Variants in UBR4 observed in about 807,000 individuals in gnomAD.
The protein encoded by UBR4 is ubiquitin protein ligase E3 component n-recognin 4.
In UBR4, 124 loss-of-function variants were observed where a neutral mutation model predicts 575.6. The observed-to-expected ratio is 0.22, with a 90% CI of 0.19 to 0.25. The LOEUF (loss-of-function observed/expected upper bound fraction) is 0.25. Among genes scored for constraint, UBR4 ranks in the 10% least tolerant of loss-of-function variants. The pLI is 1.00. For synonymous variants in UBR4, 2,455 were observed against 2,473.7 expected, an observed-to-expected ratio of 0.99 and a Z score of 0.22; for missense variants, 4,818 against 6,478.8, an observed-to-expected ratio of 0.74 and a Z score of 8.80.
rs368308886 is a variant in UBR4, at chr1:19,160,070, G to C, written c.5577+41C>G. ...TTTTGGGATCTCAATAAATTTGTTG[G>C]TTCCCACAGCCACCAAACATCATGG... On this transcript the variant is annotated intron_variant, in intron 39 of 105. Coordinates refer to ENST00000375254, the MANE Select transcript of UBR4 (RefSeq NM_020765.3). 42 of 1,590,364 alleles carry C rather than the reference G, an allele frequency of 2.6e-5. No individual in the cohort carries two copies. The African/African-American group carries it at 3.8e-4, about 14-fold the overall frequency.
chr1:19,081,487 A>T lies in UBR4; in HGVS notation c.15095T>A (p.Val5032Glu). 1.2e-6 allele frequency: 2 copies of T among 1,613,876 alleles called. No individual in the cohort carries two copies. ...KEKWVESAFEVDGPYYFTVLA... is the reference protein window; with the variant it reads ...KEKWVESAFEEDGPYYFTVLA... ...GACTGTGAAATAGTAGGGCCCGTCC[A>T]CTTCAAAGGCACTCTCCACCCACTT... Residue 5032 changes from valine (V) to glutamate (E), a missense_variant, in exon 103 of 106, where the codon GTG becomes GAG. This residue lies in a region of UBR4 where 212 missense variants were observed against 221.3 expected (regional missense o/e 0.96). Coordinates refer to ENST00000375254, the MANE Select transcript of UBR4 (RefSeq NM_020765.3).
intron 5 of UBR4, 22 bp from the exon 6 acceptor site, chr1:19,198,071 G>C (rs1224044070): frequency 6.2e-7 from 1 of 1,606,692 alleles, no homozygotes; most frequent in African/African-American, 1.3e-5. Context: ...CATAAGGCCT[G>C]TCAAGATACT....
intron 76 of UBR4, 56 bp from the exon 77 acceptor site, chr1:19,113,883 G>C (rs1054151055): frequency 1.9e-6 from 3 of 1,614,148 alleles, no homozygotes; most frequent in Middle Eastern, 1.6e-4. Flanking sequence ...TCTCACCTAG[G>C]AGGCAGTCTT....
intron 63 of UBR4, among the ~76,000 whole-genome samples, chr1:19,127,046 C>T (rs866214169): frequency 3.3e-5 from 5 of 152,172 alleles, no homozygotes; most frequent in African/African-American, 7.2e-5. Context: ...CACTTCTGAA[C>T]GACCCCACCC....
chr1:19,187,633 G>A, intron 11 of UBR4, 93 bp from the exon 12 acceptor site: 1 of 1,255,766 alleles, frequency 8.0e-7, no homozygotes, highest in Non-Finnish European at 1.1e-6. Flanking sequence ...TGGGGTTTCA[G>A]ACCCCTTTCA....
chr1:19,163,666 G>A, intron 34 of UBR4, 98 bp downstream of exon 34: 1 of 1,289,670 alleles, frequency 7.8e-7, no homozygotes, highest in South Asian at 1.2e-5. Flanking sequence ...AGGCTAGCCA[G>A]GCACAGAACT....
intron 1 of UBR4, among the ~76,000 whole-genome samples, chr1:19,204,477 A>C (rs1445145236): frequency 6.6e-6 from 1 of 151,998 alleles, no homozygotes; most frequent in Non-Finnish European, 1.5e-5. Flanking sequence ...GCCCACCCAA[A>C]GGATGGACTT....
At position 19,127,754 on chromosome 1, in the gene UBR4, G is replaced by GTGT; in HGVS notation, c.9112-16_9112-15insACA. On this transcript the variant is annotated splice_polypyrimidine_tract_variant and intron_variant, in intron 62 of 105. Coordinates refer to ENST00000375254, the MANE Select transcript of UBR4 (RefSeq NM_020765.3). Reference sequence around the variant, plus strand: ...TTGGAGACATCCTGCAGGCCAAAGCGTAAGTCCAGAAACCTCTACTTACTC... The same window carrying GTGT: ...TTGGAGACATCCTGCAGGCCAAAGCGTGTTAAGTCCAGAAACCTCTACTTACTC... 6.2e-7 allele frequency: 1 copy of GTGT among 1,607,704 alleles called. No homozygotes were observed. The highest frequency in any genetic ancestry group is 1.1e-5 in the South Asian group (1 of 90,958).
rs751186219 is a variant in UBR4, at chr1:19,117,322, C to A, written c.10722G>T (p.Val3574=). 3.8e-5 allele frequency: 62 copies of A among 1,614,088 alleles called. No homozygotes were observed. Among genetic ancestry groups the A allele is most frequent in the Non-Finnish European group, 5.1e-5 (60 of 1,180,046 alleles). ...GTTTCAGATCCCCGATTTTCACTGT[C>A]ACTTTGCTGATGGTGTGACTGCCAA... ...KLIGSHTISK[V]TVKIGDLKRT... The change falls in exon 73 of 106, where the codon GTG becomes GTT. Residue 3574 remains valine (V), a synonymous_variant. Transcript: ENST00000375254. This position sits in a 1 kb window ranked among gnomAD's most constrained non-coding sequence, Gnocchi z 4.0.
At chr1:19,084,282 G>A (rs1393424232) in intron 102 of UBR4, among the ~76,000 whole-genome samples, 1 of 152,210 alleles carries the variant, frequency 6.6e-6, no homozygotes, top group African/African-American at 2.4e-5. Flanking sequence ...GCCCATGGTG[G>A]GAGACAGGGC....
Position 19,170,778 on chromosome 1 carries a change from G to A in UBR4, c.3627C>T (p.Cys1209=). ...AAVLAIGSSR[C]KANTLGPTLV... is the part of the protein sequence containing the mutation. ...TTCTCTTACCCAGAGTATTTGCCTT[G>A]CACCTGCTAGAGCCAATAGCCAAAA... Residue 1209 remains cysteine (C), a synonymous_variant, in exon 26 of 106, where the codon TGC becomes TGT. Transcript: ENST00000375254. 1 of 1,614,158 alleles carries A rather than the reference G, an allele frequency of 6.2e-7. No homozygotes were observed. Among genetic ancestry groups the A allele is most frequent in the Non-Finnish European group, 8.5e-7 (1 of 1,180,026 alleles).
rs758022197 is a variant in UBR4 at position 19,164,259 on chromosome 1, C to T, written c.4694G>A (p.Ser1565Asn). ...TACAACTTCATCATCTTACCATCTG[C>T]TCAGCCAATCCACAGCAGCATTATG... is the stretch of plus-strand genomic sequence containing the variant. ...QLHNAAVDWL[S>N]RCKKYLSQKN... The change falls in exon 33 of 106, where the codon AGC (serine) becomes AAC (asparagine). Residue 1565 changes from serine to asparagine, a missense_variant. Ser to Asn is a conservative substitution (Grantham distance 46, BLOSUM62 1). Coordinates refer to ENST00000375254, the MANE Select transcript of UBR4 (RefSeq NM_020765.3). The T allele has an allele frequency of 3.1e-6, 5 of 1,611,822 alleles. No individual in the cohort carries two copies. The highest frequency in any genetic ancestry group is 1.6e-4 in the Middle Eastern group (1 of 6,078).
intron 102 of UBR4, 78 bp from the exon 103 acceptor site, chr1:19,081,651 A>G (rs753134979): frequency 6.6e-7 from 1 of 1,505,080 alleles, no homozygotes; most frequent in South Asian, 1.1e-5. Context: ...GAATTTGCTC[A>G]ATTTGTCGTT....
intron 99 of UBR4, among the ~76,000 whole-genome samples, chr1:19,087,538 T>C (rs186212442): frequency 3.2e-4 from 49 of 152,368 alleles, no homozygotes; most frequent in Non-Finnish European, 5.9e-4. Flanking sequence ...AATAAAATTA[T>C]CCAGTTTACA....
intron 77 of UBR4, 148 bp downstream of exon 77, chr1:19,113,551 G>A: frequency 8.2e-7 from 1 of 1,216,562 alleles, no homozygotes; most frequent in African/African-American, 1.5e-5. Context: ...GCCGTTTGGT[G>A]CAGCCATCTG....
At chr1:19,195,726 C>T (rs2092410212) in intron 8 of UBR4, among the ~76,000 whole-genome samples, 1 of 152,056 alleles carries the variant, frequency 6.6e-6, no homozygotes, top group Non-Finnish European at 1.5e-5. Flanking sequence ...GAATGACTGC[C>T]AATTCCTCCT....
At chr1:19,121,092 C>G in intron 68 of UBR4, 97 bp downstream of exon 68, 7 of 1,504,798 alleles carry the variant, frequency 4.7e-6, no homozygotes, top group Non-Finnish European at 6.2e-6. Flanking sequence ...CCCTCTAAAT[C>G]AGGATTAAAA....
rs755847105 is a variant in UBR4, at chr1:19,163,845, AAG to A, written c.4701-20_4701-19del. The A allele has an allele frequency of 6.2e-7, 1 of 1,613,750 alleles. No individual in the cohort carries two copies. The highest frequency in any genetic ancestry group is 8.5e-7 in the Non-Finnish European group (1 of 1,179,716). Reference sequence around the variant, plus strand: ...ATTTCTTGCTGTCCCAAAGAAAAAAAAGAGGGGAAAGAGGAGACACAAAATCA... The same window carrying A: ...ATTTCTTGCTGTCCCAAAGAAAAAAAAGGGGAAAGAGGAGACACAAAATCA... On this transcript the variant is annotated intron_variant, in intron 33 of 105. Transcript: ENST00000375254.
At chr1:19,090,113 A>G (rs1355856454) in intron 97 of UBR4, among the ~76,000 whole-genome samples, 4 of 152,216 alleles carry the variant, frequency 2.6e-5, no homozygotes, top group Non-Finnish European at 5.9e-5. Flanking sequence ...CAGTGGCACC[A>G]CCATTCACCT....
Sources: allele counts gnomAD v4.1 joint callset (sites outside exome capture counted in the v4.1 genomes callset), GRCh38; gene constraint gnomAD v4.1.1; regional missense constraint gnomAD v4.1.1; non-coding constraint Gnocchi (gnomAD v3.1); transcripts MANE v1.5; gene names NCBI Gene and HGNC (gene_info 2026-07-23, HGNC 2026-07-21).